NFE2L3: variants seen among roughly 807,000 people sequenced by gnomAD.
The protein encoded by NFE2L3 is NFE2 like bZIP transcription factor 3, also known as nuclear factor erythroid 2-related factor 3.
In NFE2L3, 18 loss-of-function variants were observed where a neutral mutation model predicts 23.5. The ratio of observed to expected loss-of-function variants is 0.77; its 90% CI spans 0.53 to 1.13. The LOEUF is 1.13. Ranked by LOEUF, NFE2L3 falls within the 50% of genes most tolerant of loss-of-function variation. The probability of loss-of-function intolerance (pLI) is 0.00; values close to 1 mark genes in which losing one functional copy is unlikely to be tolerated. For missense variants in NFE2L3, 1,152 were observed against 877.2 expected, an observed-to-expected ratio of 1.31 and a Z score of -3.96; for synonymous variants, 424 against 354.5, an observed-to-expected ratio of 1.20 and a Z score of -2.20.
At chr7:26,181,197 A>C (rs975156296) in intron 2 of NFE2L3, among the ~76,000 whole-genome samples, 4 of 152,094 alleles carry the variant, frequency 2.6e-5, no homozygotes, top group African/African-American at 9.7e-5. Flanking sequence ...GGCTGGTCTC[A>C]AATTCCTGGG....
rs1421692616 is a variant in NFE2L3, at chr7:26,186,833, AT to A, written c.*1051del. ...CAGGGTAAGGTAAATTCTAGAAATA[AT>A]AGCATTTGAAATGAAAACCTCACTT... is the stretch of plus-strand genomic sequence containing the variant. On this transcript the variant is annotated 3_prime_UTR_variant, in exon 4 of 4. Coordinates refer to ENST00000056233, the MANE Select transcript of NFE2L3 (RefSeq NM_004289.7). The A allele has an allele frequency of 6.6e-6, 1 of 152,236 alleles. No homozygotes were observed. Among genetic ancestry groups the A allele is most frequent in the Non-Finnish European group, 1.5e-5 (1 of 68,040 alleles). The allele number at this position is 152,236 out of a possible 1,614,324, so 9.4% of individuals were successfully genotyped here.
intron 1 of NFE2L3, among the ~76,000 whole-genome samples, chr7:26,172,741 G>A (rs1459098785): frequency 6.6e-6 from 1 of 152,132 alleles, no homozygotes; most frequent in African/African-American, 2.4e-5. Context: ...TCACAGAAAT[G>A]GTATTGTGTC....
intron 2 of NFE2L3, among the ~76,000 whole-genome samples, chr7:26,179,211 CCCAGTGTGT>C (rs1429419466): frequency 1.3e-5 from 2 of 152,012 alleles, no homozygotes; most frequent in Non-Finnish European, 2.9e-5. Flanking sequence ...ATAAGAATAA[CCCAGTGTGT>C]CCATGTACAG....
chr7:26,166,933 T>C (rs575824493), intron 1 of NFE2L3, among the ~76,000 whole-genome samples: 1 of 152,298 alleles, frequency 6.6e-6, no homozygotes, highest in Admixed American at 6.5e-5. Flanking sequence ...TCCAGATGAA[T>C]AAATGAAAGG....
Position 26,185,304 on chromosome 7 carries a change from A to C in NFE2L3, c.1606A>C (p.Ser536Arg). 1 of 1,614,140 alleles carries C rather than the reference A, an allele frequency of 6.2e-7. No individual in the cohort carries two copies. Among genetic ancestry groups the C allele is most frequent in the Non-Finnish European group, 8.5e-7 (1 of 1,179,990 alleles). The part of the protein sequence containing the change: ...RYLEDTDRNL[S>R]RDEQRAKALH... ...CCTTGAAGACACAGATAGAAACTTG[A>C]GCCGTGATGAACAGCGTGCTAAAGC... Residue 536 changes from serine to arginine, a missense_variant, in exon 4 of 4, where the codon AGC becomes CGC. Coordinates refer to ENST00000056233, the MANE Select transcript of NFE2L3 (RefSeq NM_004289.7).
chr7:26,163,782 A>C (rs1259295402), intron 1 of NFE2L3, among the ~76,000 whole-genome samples: 2 of 152,222 alleles, frequency 1.3e-5, no homozygotes, highest in East Asian at 3.9e-4. Context: ...CATTAGGTAT[A>C]TCTCCTAATG....
chr7:26,168,735 C>T (rs765885073), intron 1 of NFE2L3, among the ~76,000 whole-genome samples: 2 of 151,982 alleles, frequency 1.3e-5, no homozygotes, highest in Non-Finnish European at 2.9e-5. Flanking sequence ...TGGGTAGATA[C>T]CCAGTAGTGG....
Position 26,186,198 on chromosome 7 carries a change from G to A in NFE2L3, c.*415G>A, listed in dbSNP as rs1197567576. The A allele has an allele frequency of 6.4e-6, 1 of 155,504 alleles. No individual in the cohort carries two copies. The highest frequency in any genetic ancestry group is 1.4e-5 in the Non-Finnish European group (1 of 70,462). 9.6% of individuals were successfully genotyped at this position (155,504 alleles called of 1,614,324 possible). A position where few individuals can be genotyped will look rare whatever the true frequency, so the allele number is the denominator to read the frequency against. On this transcript the variant is annotated 3_prime_UTR_variant, in exon 4 of 4. Transcript: ENST00000056233. The stretch of plus-strand genomic sequence containing the variant: ...AGCCTTATTTTCATTTAGTTTGTTA[G>A]CACTATAGTGAGCTTTTCAAACACT...
chr7:26,154,370 CAG>C (rs1784050103), intron 1 of NFE2L3, among the ~76,000 whole-genome samples: 1 of 152,174 alleles, frequency 6.6e-6, no homozygotes, highest in Admixed American at 6.5e-5. Context: ...TTCTGTAACA[CAG>C]AGTTGAAACC....
chr7:26,169,478 G>C (rs776902925), intron 1 of NFE2L3, among the ~76,000 whole-genome samples: 6 of 152,204 alleles, frequency 3.9e-5, no homozygotes, highest in Non-Finnish European at 7.3e-5. Context: ...ACTGGGATGG[G>C]TGTGACCTTA....
chr7:26,186,625 A>C lies in NFE2L3; in HGVS notation c.*842A>C, dbSNP rs1350364040. On this transcript the variant is annotated 3_prime_UTR_variant, in exon 4 of 4. Transcript: ENST00000056233. ...AACTCCTTGTGTGTATATTAAATCC[A>C]TAAAATCTCTGGCAGTAAAGCCAGC... 1 of 152,226 alleles carries C rather than the reference A, an allele frequency of 6.6e-6. No homozygotes were observed. The highest frequency in any genetic ancestry group is 1.5e-5 in the Non-Finnish European group (1 of 68,050). The allele number at this position is 152,226 out of a possible 1,614,324, so 9.4% of individuals were successfully genotyped here. A position where few individuals can be genotyped will look rare whatever the true frequency, so the allele number is the denominator to read the frequency against.
chr7:26,152,768 G>A lies in NFE2L3; in HGVS notation c.270G>A (p.Gln90=). 1 of 1,480,354 alleles carries A rather than the reference G, an allele frequency of 6.8e-7. No homozygotes were observed. Among genetic ancestry groups the A allele is most frequent in the Non-Finnish European group, 8.9e-7 (1 of 1,123,064 alleles). 91.7% of individuals were successfully genotyped at this position (1,480,354 alleles called of 1,614,324 possible). Residue 90 remains glutamine (Q), a synonymous_variant, in exon 1 of 4, where the codon CAG becomes CAA. Coordinates refer to ENST00000056233, the MANE Select transcript of NFE2L3 (RefSeq NM_004289.7). This position sits in a 1 kb window ranked among gnomAD's most constrained non-coding sequence, Gnocchi z 4.4. ...ACCCTGCCGCGCCGCCCGAGGGCCA[G>A]CTGCTCCGGGAGGTGCGCGCGCTCG... The part of the protein sequence containing the change: ...ELDPAAPPEG[Q]LLREVRALGV...
At chr7:26,174,021 T>A (rs1307456252) in intron 1 of NFE2L3, 1 of 151,798 alleles carries the variant, frequency 6.6e-6, no homozygotes, top group Non-Finnish European at 1.5e-5. Flanking sequence ...AGACCTGGGG[T>A]CAGGAGGATA....
intron 1 of NFE2L3, among the ~76,000 whole-genome samples, chr7:26,164,055 A>G (rs1302561756): frequency 6.6e-6 from 1 of 152,170 alleles, no homozygotes; most frequent in Admixed American, 6.5e-5. Flanking sequence ...CCAGTCTATC[A>G]TTGTTGGACA....
intron 1 of NFE2L3, among the ~76,000 whole-genome samples, chr7:26,165,012 C>T (rs1438968734): frequency 1.3e-5 from 2 of 152,172 alleles, no homozygotes; most frequent in Admixed American, 6.5e-5. Flanking sequence ...GTCTATATCT[C>T]TGTTTTGGTA....
chr7:26,183,002 GTCTC>G (rs1360226376), intron 2 of NFE2L3, among the ~76,000 whole-genome samples: 1 of 151,976 alleles, frequency 6.6e-6, no homozygotes, highest in East Asian at 1.9e-4. Context: ...GCCCAAGCTG[GTCTC>G]CAACTCCTGG....
intron 2 of NFE2L3, among the ~76,000 whole-genome samples, chr7:26,183,426 T>C (rs569316944): frequency 1.2e-3 from 184 of 152,110 alleles, no homozygotes; most frequent in Middle Eastern, 3.4e-3. Flanking sequence ...TGCACAGCTG[T>C]AATCCCAGCT....
At chr7:26,180,317 C>A (rs1188299661) in intron 2 of NFE2L3, among the ~76,000 whole-genome samples, 1 of 152,166 alleles carries the variant, frequency 6.6e-6, no homozygotes, top group African/African-American at 2.4e-5. Context: ...GGAGCTTTAA[C>A]CCTTTTGTAA....
chr7:26,166,248 C>T (rs984471636), intron 1 of NFE2L3, among the ~76,000 whole-genome samples: 3 of 152,064 alleles, frequency 2.0e-5, no homozygotes, highest in African/African-American at 4.8e-5. Flanking sequence ...CAGAGGCTCC[C>T]GGTGAGAAGG....
Sources: gnomAD v4.1 joint callset for allele counts (sites outside exome capture counted in the v4.1 genomes callset) on GRCh38, gnomAD v4.1.1 for gene constraint, Gnocchi (gnomAD v3.1) non-coding constraint, MANE v1.5 for transcripts, NCBI Gene and HGNC (gene_info 2026-07-23, HGNC 2026-07-21) for gene names.